CSGALNACT2: variants seen among roughly 807,000 people sequenced by gnomAD.
CSGALNACT2 encodes the protein chondroitin sulfate N-acetylgalactosaminyltransferase 2.
CSGALNACT2 carries 35 observed loss-of-function variants against 55.3 expected under a neutral mutation model. The observed-to-expected ratio is 0.63, with a 90% CI of 0.48 to 0.84. The LOEUF is 0.84. Among genes scored for constraint, CSGALNACT2 ranks in the 40% least tolerant of loss-of-function variants. The pLI, the probability that CSGALNACT2 is intolerant of heterozygous loss-of-function variation, is 0.00. For missense variants in CSGALNACT2, 544 were observed against 657.5 expected (o/e 0.83, Z 1.89); for synonymous variants, 196 against 224.9 (o/e 0.87, Z 1.15).
rs1023721250 is a variant in CSGALNACT2 at position 43,166,921 on chromosome 10, T to C, written c.1160-83T>C. 31 of 727,538 alleles carry C rather than the reference T, an allele frequency of 4.3e-5. No homozygotes were observed. In the South Asian group the frequency reaches 5.5e-4, roughly 13 times the overall value. The allele number at this position is 727,538 out of a possible 1,614,324, so 45.1% of individuals were successfully genotyped here. On this transcript the variant is annotated intron_variant, in intron 5 of 7. Coordinates refer to ENST00000374466, the MANE Select transcript of CSGALNACT2 (RefSeq NM_018590.5). ...GATAAAATCATGTATAATAAGACTT[T>C]GATAAAACTTAATAGATATTGCAAT...
chr10:43,162,409 C>G, intron 4 of CSGALNACT2: 1 of 985,174 alleles, frequency 1.0e-6, no homozygotes, highest in Non-Finnish European at 1.2e-6. Context: ...GGTCTCCACC[C>G]CTAGGAAATT....
chr10:43,156,821 T>C (rs968692759), intron 2 of CSGALNACT2, among the ~76,000 whole-genome samples: 1 of 152,232 alleles, frequency 6.6e-6, no homozygotes, highest in East Asian at 1.9e-4. Flanking sequence ...CTTGCCAGGC[T>C]CCCATCACTC....
chr10:43,163,970 T>C lies in CSGALNACT2; in HGVS notation c.1085T>C (p.Leu362Ser). The C allele has an allele frequency of 8.7e-6, 14 of 1,614,118 alleles. No homozygotes were observed. The highest frequency in any genetic ancestry group is 1.1e-5 in the Non-Finnish European group (13 of 1,180,022). ...GARAWDKGEVLMFFCDVDIYF... is the reference protein window; with the variant it reads ...GARAWDKGEVSMFFCDVDIYF... Reference sequence around the variant, plus strand: ...CGAGCTTGGGACAAGGGAGAGGTCTTGATGTTTTTCTGTGATGTTGATATC... The same window carrying C: ...CGAGCTTGGGACAAGGGAGAGGTCTCGATGTTTTTCTGTGATGTTGATATC... Residue 362 changes from leucine to serine, a missense_variant, in exon 5 of 8, where the codon TTG becomes TCG. Physicochemically the swap from Leu to Ser is moderately radical, Grantham distance 145. This residue lies in a region of CSGALNACT2 where 170 missense variants were observed against 256.2 expected (regional missense o/e 0.66). Coordinates refer to ENST00000374466, the MANE Select transcript of CSGALNACT2 (RefSeq NM_018590.5).
chr10:43,173,664 ATAC>A (rs2133148094), intron 6 of CSGALNACT2, among the ~76,000 whole-genome samples: 1 of 152,292 alleles, frequency 6.6e-6, no homozygotes, highest in African/African-American at 2.4e-5. Flanking sequence ...TTGCTTTTTA[ATAC>A]TTTGTATCAG....
chr10:43,171,382 C>T (rs1186867327), intron 6 of CSGALNACT2, among the ~76,000 whole-genome samples: 13 of 142,654 alleles, frequency 9.1e-5, no homozygotes, highest in Non-Finnish European at 1.1e-4. Context: ...GATGGAGTTT[C>T]GCTCTTGTTG....
chr10:43,165,371 CAAAAA>C (rs373175491), intron 5 of CSGALNACT2, among the ~76,000 whole-genome samples: 9 of 139,554 alleles, frequency 6.4e-5, no homozygotes, highest in Non-Finnish European at 1.3e-4. Flanking sequence ...TTCTTACCAC[CAAAAA>C]AAAAAAAGGT....
intron 4 of CSGALNACT2, chr10:43,163,218 G>A: frequency 1.0e-6 from 1 of 984,896 alleles, no homozygotes; most frequent in Non-Finnish European, 1.2e-6. Flanking sequence ...CCAGACATGA[G>A]CGATGTATTT....
Position 43,155,511 on chromosome 10 carries a change from T to A in CSGALNACT2, c.362T>A (p.Leu121Ter). The change falls in exon 2 of 8, where the codon TTA (leucine) becomes TAA (stop). Residue 121 changes from leucine (L) to a stop codon, truncating the protein, a stop_gained. Transcript: ENST00000374466. LOFTEE classifies it high-confidence loss of function. ...SNKEQAPSDL[L>*]EFLHSQIDKA... is the part of the protein sequence containing the mutation. Reference sequence around the variant, plus strand: ...AAAGAGCAAGCACCTAGTGATCTTTTAGAGTTTCTTCATTCCCAAATTGAC... The same window carrying A: ...AAAGAGCAAGCACCTAGTGATCTTTAAGAGTTTCTTCATTCCCAAATTGAC... 6.2e-7 allele frequency: 1 copy of A among 1,614,230 alleles called. No homozygotes were observed. The highest frequency in any genetic ancestry group is 8.5e-7 in the Non-Finnish European group (1 of 1,180,042).
At chr10:43,167,200 A>G (rs995031578) in intron 6 of CSGALNACT2, 102 bp downstream of exon 6, 6 of 738,104 alleles carry the variant, frequency 8.1e-6, no homozygotes, top group African/African-American at 7.1e-5. Flanking sequence ...CTGTATTTCC[A>G]TGAGCAAAGT....
chr10:43,165,125 T>G (rs957516352), intron 5 of CSGALNACT2, among the ~76,000 whole-genome samples: 1 of 152,028 alleles, frequency 6.6e-6, no homozygotes, highest in African/African-American at 2.4e-5. Flanking sequence ...CTCAGGAGAC[T>G]GAGGCAGGAG....
At chr10:43,159,888 C>T (rs1839107562) in intron 3 of CSGALNACT2, among the ~76,000 whole-genome samples, 1 of 152,138 alleles carries the variant, frequency 6.6e-6, no homozygotes, top group Admixed American at 6.5e-5. Flanking sequence ...TCTTTATTCT[C>T]ATATTGAAAT....
intron 5 of CSGALNACT2, among the ~76,000 whole-genome samples, chr10:43,165,670 G>T (rs1192589526): frequency 3.3e-5 from 5 of 152,082 alleles, no homozygotes; most frequent in Non-Finnish European, 5.9e-5. Flanking sequence ...GTGGCTGAAT[G>T]CTTTTTAGCT....
chr10:43,182,631 G>T (rs1839608959), intron 7 of CSGALNACT2, among the ~76,000 whole-genome samples: 1 of 151,594 alleles, frequency 6.6e-6, no homozygotes, highest in Non-Finnish European at 1.5e-5. Context: ...CTGCAATCCA[G>T]CACTTTGGGA....
chr10:43,166,679 C>T (rs907868513), intron 5 of CSGALNACT2, among the ~76,000 whole-genome samples: 12 of 152,298 alleles, frequency 7.9e-5, no homozygotes, highest in South Asian at 2.1e-4. Flanking sequence ...GGTTAATCTA[C>T]GTTTATTACT....
chr10:43,155,734 T>A lies in CSGALNACT2; in HGVS notation c.585T>A (p.Asp195Glu). The A allele has an allele frequency of 6.2e-7, 1 of 1,614,108 alleles. No homozygotes were observed. Among genetic ancestry groups the A allele is most frequent in the Non-Finnish European group, 8.5e-7 (1 of 1,180,000 alleles). ...GCTTGGAGGTCATTAATAATCCTGA[T>A]GAAGATGATGAACAAGAAGATGAGG... The part of the protein sequence containing the change: ...EAGLEVINNP[D>E]EDDEQEDEEG... The change falls in exon 2 of 8, where the codon GAT (aspartate) becomes GAA (glutamate). Residue 195 changes from aspartate (D) to glutamate (E), a missense_variant. Transcript: ENST00000374466.
At chr10:43,144,572 TTTG>T (rs1361731859) in intron 1 of CSGALNACT2, among the ~76,000 whole-genome samples, 1 of 152,142 alleles carries the variant, frequency 6.6e-6, no homozygotes, top group Non-Finnish European at 1.5e-5. Context: ...GGGGTTTTTT[TTTG>T]TTGTTGTTTT....
At chr10:43,149,276 G>A (rs1021687447) in intron 1 of CSGALNACT2, among the ~76,000 whole-genome samples, 3 of 152,040 alleles carry the variant, frequency 2.0e-5, no homozygotes, top group East Asian at 3.9e-4. Context: ...TAGTAGAGGC[G>A]GGGTTTCATT....
chr10:43,177,969 G>A (rs141633727), intron 7 of CSGALNACT2, among the ~76,000 whole-genome samples: 301 of 152,324 alleles, frequency 2.0e-3, no homozygotes, highest in Non-Finnish European at 3.3e-3. Flanking sequence ...GATAGTGGAT[G>A]TGGTATTGAT....
chr10:43,154,871 G>T, intron 1 of CSGALNACT2, 26 bp from the exon 2 acceptor site: 1 of 363,058 alleles, frequency 2.8e-6, no homozygotes, highest in Non-Finnish European at 4.9e-6. Context: ...ACAAAATTCT[G>T]ATTGATTCTG....
Sources: gnomAD v4.1 joint callset for allele counts (sites outside exome capture counted in the v4.1 genomes callset) on GRCh38, gnomAD v4.1.1 for gene constraint, gnomAD v4.1.1 regional missense constraint, MANE v1.5 for transcripts, NCBI Gene and HGNC (gene_info 2026-07-23, HGNC 2026-07-21) for gene names.